The following RAD50 variants were observed in gnomAD, a reference collection of about 807,000 sequenced individuals.
RAD50 encodes the protein DNA repair protein RAD50.
RAD50 carries 132 observed loss-of-function variants against 168.8 expected under a neutral mutation model. That is an observed-to-expected ratio of 0.78 (90% CI 0.68 to 0.90). RAD50 has a LOEUF of 0.90. Ranked by LOEUF, RAD50 falls within the 40% of genes least tolerant of loss-of-function variation. The pLI is 0.00. For missense variants in RAD50, 1,347 were observed against 1,534.4 expected, an observed-to-expected ratio of 0.88 and a Z score of 2.04; for synonymous variants, 525 against 497.4, an observed-to-expected ratio of 1.06 and a Z score of -0.74.
intron 13 of RAD50, among the ~76,000 whole-genome samples, chr5:132,596,259 G>C (rs541530701): frequency 6.6e-6 from 1 of 152,310 alleles, no homozygotes; most frequent in East Asian, 1.9e-4. Context: ...GCCTCCCAAA[G>C]TGCTGGGATC....
intron 21 of RAD50, among the ~76,000 whole-genome samples, chr5:132,618,681 C>T (rs1751222707): frequency 6.6e-6 from 1 of 152,170 alleles, no homozygotes; most frequent in African/African-American, 2.4e-5. Context: ...CCCAGCCCCT[C>T]ATTTTTTCTC....
chr5:132,610,168 A>T (rs1369885676), intron 19 of RAD50, among the ~76,000 whole-genome samples: 1 of 152,112 alleles, frequency 6.6e-6, no homozygotes, highest in Non-Finnish European at 1.5e-5. Flanking sequence ...ATTATAAAAT[A>T]GTCCATTTTG....
intron 21 of RAD50, among the ~76,000 whole-genome samples, chr5:132,619,851 T>A (rs1277373742): frequency 1.6e-5 from 2 of 121,784 alleles, no homozygotes; most frequent in Admixed American, 1.6e-4. Context: ...TATATATATA[T>A]AAAGATATAT....
chr5:132,595,260 C>T, intron 12 of RAD50: 1 of 603,020 alleles, frequency 1.7e-6, no homozygotes, highest in South Asian at 2.0e-5. Flanking sequence ...ACAACTACCA[C>T]CTGTGGTACT....
intron 2 of RAD50, among the ~76,000 whole-genome samples, chr5:132,575,050 C>T (rs1331556830): frequency 6.6e-6 from 1 of 152,208 alleles, no homozygotes; most frequent in African/African-American, 2.4e-5. Flanking sequence ...GTTCCAAAGT[C>T]GCTTTCACAT....
chr5:132,599,115 G>A (rs1339752476), intron 13 of RAD50, among the ~76,000 whole-genome samples: 2 of 152,112 alleles, frequency 1.3e-5, no homozygotes, highest in African/African-American at 4.8e-5. Flanking sequence ...TTGATTGCTT[G>A]TAACAAACCC....
At chr5:132,564,489 T>A (rs1462689256) in intron 2 of RAD50, among the ~76,000 whole-genome samples, 1 of 152,164 alleles carries the variant, frequency 6.6e-6, no homozygotes, top group Non-Finnish European at 1.5e-5. Context: ...AGCAAAACTT[T>A]CAACATGTGG....
At chr5:132,616,207 T>G (rs1751172851) in intron 20 of RAD50, 77 bp downstream of exon 20, 43 of 1,462,354 alleles carry the variant, frequency 2.9e-5, no homozygotes, top group Non-Finnish European at 4.0e-5. Flanking sequence ...ATACCTGTTT[T>G]AAAAGAATTT....
At position 132,575,641 on chromosome 5, in the gene RAD50, T is replaced by C. The variant is rs570107675; in HGVS notation, c.214-136T>C. ...GTATTCTTCTATATTTTGGATAGCA[T>C]GTAAAAATATCACTCATTTTGGATG... On this transcript the variant is annotated intron_variant, in intron 2 of 24. Coordinates refer to ENST00000378823, the MANE Select transcript of RAD50 (RefSeq NM_005732.4). The C allele has an allele frequency of 1.9e-3, 1,496 of 785,458 alleles. 17 individuals are homozygous for C. The highest frequency in any genetic ancestry group is 3.4e-3 in the South Asian group (219 of 64,086). 48.7% of individuals were successfully genotyped at this position (785,458 alleles called of 1,614,324 possible).
At chr5:132,591,442 G>A in intron 10 of RAD50, 36 bp downstream of exon 10, 1 of 1,581,476 alleles carries the variant, frequency 6.3e-7, no homozygotes, top group East Asian at 2.3e-5. Flanking sequence ...TATACTGTCT[G>A]GTACTTAAAA....
At chr5:132,579,212 C>T in intron 3 of RAD50, 105 bp from the exon 4 acceptor site, 1 of 1,223,936 alleles carries the variant, frequency 8.2e-7, no homozygotes, top group Non-Finnish European at 1.2e-6. Flanking sequence ...GGTGAAGGGC[C>T]TTTTTTTTTA....
chr5:132,603,816 A>T, intron 14 of RAD50, 104 bp from the exon 15 acceptor site: 1 of 1,122,814 alleles, frequency 8.9e-7, no homozygotes, highest in Non-Finnish European at 1.3e-6. Context: ...GAAATGGTTT[A>T]TAAGTTTAGA....
chr5:132,637,528 T>C (rs947831937), intron 22 of RAD50, among the ~76,000 whole-genome samples: 5 of 134,020 alleles, frequency 3.7e-5, no homozygotes, highest in African/African-American at 1.7e-4. Flanking sequence ...TTTTTCTTTT[T>C]CTTTTTTTTT....
intron 5 of RAD50, among the ~76,000 whole-genome samples, 172 bp from the exon 6 acceptor site, chr5:132,587,390 A>G (rs556481629): frequency 2.0e-5 from 3 of 152,302 alleles, no homozygotes; most frequent in South Asian, 4.1e-4. Flanking sequence ...GGGCCAAGTT[A>G]CTTAATGTCT....
Position 132,611,306 on chromosome 5 carries a change from G to C in RAD50, c.3036+1910G>C, listed in dbSNP as rs190542456. The stretch of plus-strand genomic sequence containing the variant: ...CTCAGGAGGCTGAGGCAGGAGAATC[G>C]CTTGAACCTGGGAGGCAGAGATTGC... On this transcript the variant is annotated intron_variant, in intron 19 of 24. Transcript: ENST00000378823. Among the ~76,000 whole-genome samples, 689 of 152,166 alleles carry C rather than the reference G, an allele frequency of 4.5e-3. 9 individuals carry two copies. The highest frequency in any genetic ancestry group is 0.016 in the African/African-American group (654 of 41,508).
At chr5:132,588,182 A>G (rs1750631034) in intron 7 of RAD50, 93 bp downstream of exon 7, 6 of 1,416,776 alleles carry the variant, frequency 4.2e-6, no homozygotes, top group Non-Finnish European at 4.9e-6. Flanking sequence ...ATGCTGAGTG[A>G]AAAGCCAATC....
chr5:132,564,741 A>T (rs1330105990), intron 2 of RAD50, among the ~76,000 whole-genome samples: 1 of 152,072 alleles, frequency 6.6e-6, no homozygotes, highest in South Asian at 2.1e-4. Flanking sequence ...AAGGCATTTC[A>T]GAGATCTTCA....
At position 132,618,239 on chromosome 5, in the gene RAD50, A is replaced by T. The variant is rs773047090; in HGVS notation, c.3334A>T (p.Arg1112Trp). ...EKYREMMIVM[R>W]TTELVNKDLD... Reference sequence around the variant, plus strand: ...GTATAGAGAAATGATGATTGTTATGAGGACAACAGAACTTGTGAACAAGGA... The same window carrying T: ...GTATAGAGAAATGATGATTGTTATGTGGACAACAGAACTTGTGAACAAGGA... Residue 1112 changes from arginine (R) to tryptophan (W), a missense_variant, in exon 21 of 25, where the codon AGG (arginine) becomes TGG (tryptophan). By Grantham distance (101) the Arg-to-Trp change is moderately radical. Around this residue, in one of 3 missense-constraint regions of RAD50, gnomAD observed 635 missense variants for 739.2 expected, o/e 0.86. Coordinates refer to ENST00000378823, the MANE Select transcript of RAD50 (RefSeq NM_005732.4). 8.1e-6 allele frequency: 13 copies of T among 1,613,934 alleles called. No individual in the cohort carries two copies. Among genetic ancestry groups the T allele is most frequent in the African/African-American group, 1.3e-5 (1 of 74,926 alleles).
At chr5:132,640,121 G>A (rs1253047338) in intron 23 of RAD50, among the ~76,000 whole-genome samples, 1 of 152,120 alleles carries the variant, frequency 6.6e-6, no homozygotes, top group African/African-American at 2.4e-5. Context: ...CTACAGGTAA[G>A]CTTAACTGAA....
Sources: gnomAD v4.1 joint callset for allele counts (sites outside exome capture counted in the v4.1 genomes callset) on GRCh38, gnomAD v4.1.1 for gene constraint, gnomAD v4.1.1 regional missense constraint, MANE v1.5 for transcripts, NCBI Gene and HGNC (gene_info 2026-07-23, HGNC 2026-07-21) for gene names.